Variants in GUCY2F observed in about 807,000 individuals in gnomAD.
The protein encoded by GUCY2F is guanylate cyclase 2F, retinal.
In GUCY2F, 61 loss-of-function variants were observed where a neutral mutation model predicts 73.1. The ratio of observed to expected loss-of-function variants is 0.83; its 90% confidence interval spans 0.68 to 1.03. The LOEUF is 1.03. GUCY2F is among the 50% of genes least tolerant of loss of function. The pLI, the probability that GUCY2F is intolerant of heterozygous loss-of-function variation, is 0.00. For missense variants in GUCY2F, 912 were observed against 854.3 expected, an observed-to-expected ratio of 1.07 and a Z score of -0.84; for synonymous variants, 331 against 307.8, an observed-to-expected ratio of 1.08 and a Z score of -0.79.
At chrX:109,468,779 AG>A (rs1195117547) in intron 2 of GUCY2F, among the ~76,000 whole-genome samples, 5 of 112,132 alleles carry the variant, frequency 4.5e-5, no homozygotes, top group Non-Finnish European at 7.5e-5. Context: ...TTGCCTGGCA[AG>A]ATCTTGCCAT....
intron 6 of GUCY2F, among the ~76,000 whole-genome samples, chrX:109,446,494 T>G (rs1431636950): frequency 9.1e-6 from 1 of 110,449 alleles, no homozygotes; most frequent in Non-Finnish European, 1.9e-5. Context: ...ATCTGATCTT[T>G]GACAAACCTG....
At chrX:109,444,592 T>C (rs1299686623) in intron 6 of GUCY2F, among the ~76,000 whole-genome samples, 1 of 112,127 alleles carries the variant, frequency 8.9e-6, no homozygotes, top group Non-Finnish European at 1.9e-5. Flanking sequence ...TACTCTTCCC[T>C]ACATATTCTC....
rs773169093 is a variant in GUCY2F, at chrX:109,385,183, C to T, written c.3055+1G>A. On this transcript the variant is annotated splice_donor_variant, in intron 16 of 19. Coordinates refer to ENST00000218006, the MANE Select transcript of GUCY2F (RefSeq NM_001522.3). LOFTEE classifies it high-confidence loss of function. The stretch of plus-strand genomic sequence containing the variant: ...TATCCATCTCTCTATTAGGTACTCA[C>T]GTAAGCCTGTAGATTCCATCCGAGA... The T allele has an allele frequency of 4.6e-6, 5 of 1,095,232 alleles. No homozygotes were observed. The highest frequency in any genetic ancestry group is 4.9e-4 in the Middle Eastern group (2 of 4,107). 90.3% of individuals were successfully genotyped at this position (1,095,232 alleles called of 1,213,427 possible).
At chrX:109,388,412 G>A (rs1352082385) in intron 15 of GUCY2F, 77 bp downstream of exon 15, 1 of 785,449 alleles carries the variant, frequency 1.3e-6, no homozygotes, top group Non-Finnish European at 1.9e-6. Context: ...TCAGGGGAGA[G>A]CTATCTTTTT....
intron 7 of GUCY2F, among the ~76,000 whole-genome samples, chrX:109,431,699 GAA>G (rs539109461): frequency 2.4e-5 from 2 of 81,948 alleles, no homozygotes; most frequent in African/African-American, 4.5e-5. Context: ...ACTCTGTCTG[GAA>G]AAAAAAAAAA....
intron 11 of GUCY2F, among the ~76,000 whole-genome samples, chrX:109,396,814 A>G (rs1040274422): frequency 8.9e-6 from 1 of 112,334 alleles, no homozygotes; most frequent in Non-Finnish European, 1.9e-5. Context: ...TGATTTCTCC[A>G]TTACAGCATC....
chrX:109,431,831 T>C (rs1931622513), intron 7 of GUCY2F, among the ~76,000 whole-genome samples: 1 of 108,975 alleles, frequency 9.2e-6, no homozygotes, highest in Admixed American at 9.7e-5. Flanking sequence ...GCCAGCACTT[T>C]GTATTAGCAT....
intron 3 of GUCY2F, among the ~76,000 whole-genome samples, chrX:109,454,705 C>T (rs1054825789): frequency 8.9e-6 from 1 of 111,736 alleles, no homozygotes. Context: ...TGGATAAAAT[C>T]TTGTATCTTT....
intron 10 of GUCY2F, among the ~76,000 whole-genome samples, chrX:109,403,363 G>T (rs1473495513): frequency 9.0e-6 from 1 of 111,520 alleles, no homozygotes; most frequent in Admixed American, 9.6e-5. Flanking sequence ...GAAAATTGAT[G>T]ATATGAACTG....
chrX:109,425,756 T>C (rs1348826846), intron 8 of GUCY2F, among the ~76,000 whole-genome samples: 1 of 110,848 alleles, frequency 9.0e-6, no homozygotes, highest in Admixed American at 9.7e-5. Context: ...CTAAAGAACT[T>C]ATTCATGTAA....
intron 8 of GUCY2F, among the ~76,000 whole-genome samples, chrX:109,412,232 C>T (rs1414153505): frequency 9.0e-6 from 1 of 111,694 alleles, no homozygotes; most frequent in Non-Finnish European, 1.9e-5. Flanking sequence ...CTATAAATCA[C>T]GTGACTTCTT....
chrX:109,416,502 GA>G (rs973673691), intron 8 of GUCY2F, among the ~76,000 whole-genome samples: 7 of 51,323 alleles, frequency 1.4e-4, no homozygotes, highest in African/African-American at 5.4e-4. Flanking sequence ...CTGAAAAACA[GA>G]GGGAAAAAGG....
intron 12 of GUCY2F, among the ~76,000 whole-genome samples, chrX:109,393,266 G>A (rs1208008073): frequency 6.2e-5 from 2 of 32,077 alleles, no homozygotes; most frequent in Admixed American, 4.1e-4. Context: ...CCCCACCCCC[G>A]ACCCCACCAG....
intron 2 of GUCY2F, among the ~76,000 whole-genome samples, chrX:109,471,747 T>G (rs1932579478): frequency 8.9e-6 from 1 of 112,558 alleles, no homozygotes. Context: ...AGACTTTATT[T>G]ATTCCTTCTT....
chrX:109,395,026 C>T (rs2147255123), intron 12 of GUCY2F, among the ~76,000 whole-genome samples: 1 of 112,176 alleles, frequency 8.9e-6, no homozygotes, highest in East Asian at 2.8e-4. Flanking sequence ...AGTTTCAATG[C>T]CATTGCCTTA....
In GUCY2F at chrX:109,392,847, A is replaced by G. The variant is rs762217764; in HGVS notation, c.2588+45T>C. The G allele has an allele frequency of 1.8e-5, 15 of 834,411 alleles. No individual in the cohort carries two copies. The Admixed American group carries it at 4.3e-4, about 24-fold the overall frequency. The allele number at this position is 834,411 out of a possible 1,213,427, so 68.8% of individuals were successfully genotyped here. On this transcript the variant is annotated intron_variant, in intron 13 of 19. Coordinates refer to ENST00000218006, the MANE Select transcript of GUCY2F (RefSeq NM_001522.3). ...CTTTCTCTTTTTTTTTTTTAACAGA[A>G]CACACTGTTATAAGGATTCACACTC...
At position 109,471,090 on chromosome X, in the gene GUCY2F, G is replaced by T. The variant is rs186961948; in HGVS notation, c.730+4117C>A. 6.2e-3 allele frequency among the ~76,000 whole-genome samples: 692 copies of T among 111,660 alleles called. 1 individual carries two copies. The highest frequency in any genetic ancestry group is 0.011 in the Non-Finnish European group (593 of 53,103). ...TACAAGAATCTTCAATAAATGAGAA[G>T]AAGCCATTCTGTCCCAGGCAATAAG... On this transcript the variant is annotated intron_variant, in intron 2 of 19. Coordinates refer to ENST00000218006, the MANE Select transcript of GUCY2F (RefSeq NM_001522.3).
intron 3 of GUCY2F, among the ~76,000 whole-genome samples, chrX:109,456,905 C>T (rs928998138): frequency 4.5e-5 from 5 of 111,183 alleles, no homozygotes; most frequent in Admixed American, 1.9e-4. Flanking sequence ...CCACAAATAA[C>T]GAGAAAGAGA....
intron 8 of GUCY2F, among the ~76,000 whole-genome samples, chrX:109,410,764 C>T (rs749411024): frequency 1.8e-5 from 2 of 111,972 alleles, no homozygotes; most frequent in Non-Finnish European, 3.8e-5. Flanking sequence ...TCAGAGAAGG[C>T]TTCCCTAAGG....
Sources: gnomAD v4.1 joint callset for allele counts (sites outside exome capture counted in the v4.1 genomes callset) on GRCh38, gnomAD v4.1.1 for gene constraint, MANE v1.5 for transcripts, NCBI Gene and HGNC (gene_info 2026-07-23, HGNC 2026-07-21) for gene names.